Variants in RUVBL1 observed in about 807,000 individuals in gnomAD.
RUVBL1 encodes the protein RuvB like AAA ATPase 1.
In RUVBL1, 4 loss-of-function variants were observed where a neutral mutation model predicts 52.4. The observed-to-expected ratio is 0.08, with a 90% CI of 0.04 to 0.17. RUVBL1 has a LOEUF of 0.17. Among genes scored for constraint, RUVBL1 ranks in the 10% least tolerant of loss-of-function variants. RUVBL1 has a pLI of 1.00. For synonymous variants in RUVBL1, 217 were observed against 214.4 expected (o/e 1.01, Z -0.10); for missense variants, 298 against 572.8 (o/e 0.52, Z 4.90).
rs1022510927 is a variant in RUVBL1, at chr3:128,067,770, A to T, written c.940-2550T>A. On this transcript the variant is annotated intron_variant, in intron 9 of 9. Coordinates refer to the RUVBL1 transcript ENST00000464873. The surrounding 1 kb of genome is among the most constrained non-coding windows in gnomAD (Gnocchi z 4.1). Reference sequence around the variant, plus strand: ...AGAAGCTTTAAGGGCTGACAGATGGAGTCCAGCAGTAGATCAGCTGTGGGT... The same window carrying T: ...AGAAGCTTTAAGGGCTGACAGATGGTGTCCAGCAGTAGATCAGCTGTGGGT... 1.5e-6 allele frequency: 1 copy of T among 671,230 alleles called. No individual in the cohort carries two copies. Among genetic ancestry groups the T allele is most frequent in the Non-Finnish European group, 2.5e-6 (1 of 392,640 alleles). The allele number at this position is 671,230 out of a possible 1,614,324, so 41.6% of individuals were successfully genotyped here.
chr3:128,119,468 G>A (rs574702940), intron 1 of RUVBL1, 54 bp from the exon 2 acceptor site: 265 of 1,467,650 alleles, frequency 1.8e-4, no homozygotes, highest in Non-Finnish European at 2.3e-4. Context: ...GTTTCACAAG[G>A]GGAAAAATCT....
intron 8 of RUVBL1, among the ~76,000 whole-genome samples, chr3:128,097,014 G>A (rs1171537754): frequency 6.6e-6 from 1 of 152,178 alleles, no homozygotes; most frequent in Non-Finnish European, 1.5e-5. Context: ...TCAAAGGCTA[G>A]CCCTGTCTGA....
intron 8 of RUVBL1, among the ~76,000 whole-genome samples, chr3:128,097,095 C>G (rs1442192214): frequency 6.6e-6 from 1 of 152,130 alleles, no homozygotes; most frequent in Non-Finnish European, 1.5e-5. Context: ...GTGGGAGACC[C>G]TCCTCATGAG....
intron 1 of RUVBL1, among the ~76,000 whole-genome samples, chr3:128,151,204 CTATA>C (rs1283129978): frequency 7.6e-6 from 1 of 131,004 alleles, no homozygotes; most frequent in Admixed American, 8.9e-5. Context: ...TCTATATATT[CTATA>C]TATACACTGT....
At chr3:128,104,701 GT>G in intron 4 of RUVBL1, 71 bp downstream of exon 4, 1 of 1,394,332 alleles carries the variant, frequency 7.2e-7, no homozygotes, top group Non-Finnish European at 9.8e-7. Context: ...ATGCAGAGAG[GT>G]TACACCACCT....
intron 1 of RUVBL1, among the ~76,000 whole-genome samples, chr3:128,148,628 G>A (rs945946764): frequency 6.6e-6 from 1 of 152,206 alleles, no homozygotes; most frequent in Non-Finnish European, 1.5e-5. Context: ...GACATCACCA[G>A]GGAGTAAACA....
At chr3:128,149,559 T>C (rs1362482499) in intron 1 of RUVBL1, among the ~76,000 whole-genome samples, 1 of 152,232 alleles carries the variant, frequency 6.6e-6, no homozygotes, top group Non-Finnish European at 1.5e-5. Flanking sequence ...AATATTTTGC[T>C]ACTACATACA....
At chr3:128,149,719 G>A (rs1237503207) in intron 1 of RUVBL1, among the ~76,000 whole-genome samples, 2 of 152,188 alleles carry the variant, frequency 1.3e-5, no homozygotes, top group East Asian at 3.9e-4. Context: ...CTCTCCATGG[G>A]AATCTGTTTC....
chr3:128,153,526 A>G (rs1455763781), exon 1 of RUVBL1: 2 of 1,514,298 alleles, frequency 1.3e-6, no homozygotes, highest in South Asian at 1.2e-5. Flanking sequence ...GCGGCGGGTG[A>G]ACGTGAACGT....
At chr3:128,072,594 C>T (rs1942197745) in intron 9 of RUVBL1, among the ~76,000 whole-genome samples, 4 of 152,210 alleles carry the variant, frequency 2.6e-5, no homozygotes, top group Admixed American at 2.0e-4. Flanking sequence ...GCTCCCTCTG[C>T]ACCTGCTGGC....
downstream of RUVBL1, among the ~76,000 whole-genome samples, chr3:128,080,804 CTG>C (rs1045695130): frequency 6.6e-6 from 1 of 152,168 alleles, no homozygotes; most frequent in Admixed American, 6.5e-5. Flanking sequence ...TTAGGTAAAA[CTG>C]AGAAAATGTG....
upstream of RUVBL1, among the ~76,000 whole-genome samples, chr3:128,124,742 G>C (rs546993340): frequency 6.6e-6 from 1 of 152,306 alleles, no homozygotes; most frequent in East Asian, 1.9e-4. Context: ...GTACACCCAG[G>C]TGGCGAGAAG....
intron 3 of RUVBL1, among the ~76,000 whole-genome samples, chr3:128,106,138 C>A (rs1450890500): frequency 6.6e-6 from 1 of 152,102 alleles, no homozygotes; most frequent in Admixed American, 6.5e-5. Flanking sequence ...CCTTGGCCTC[C>A]CAAAGTGCTG....
intron 8 of RUVBL1, among the ~76,000 whole-genome samples, chr3:128,090,822 A>C (rs1942815236): frequency 6.6e-6 from 1 of 152,168 alleles, no homozygotes; most frequent in Admixed American, 6.5e-5. Context: ...AATTTTGAGG[A>C]AATCCTAAGA....
chr3:128,133,595 C>T, intron 1 of RUVBL1, among the ~76,000 whole-genome samples: 1 of 152,256 alleles, frequency 6.6e-6, no homozygotes, highest in South Asian at 2.1e-4. Context: ...GAGTCTCTGT[C>T]TGGTAATCCA....
chr3:128,101,358 A>T (rs1246780725), intron 5 of RUVBL1, among the ~76,000 whole-genome samples: 3 of 152,156 alleles, frequency 2.0e-5, no homozygotes, highest in African/African-American at 7.2e-5. Context: ...TAATCGCGAG[A>T]AGGTTAAAGA....
chr3:128,127,552 C>A (rs1943810347), upstream of RUVBL1, among the ~76,000 whole-genome samples: 1 of 149,376 alleles, frequency 6.7e-6, no homozygotes. Context: ...GAACTTTGAA[C>A]CCACAAGCCC....
chr3:128,141,303 C>T (rs1181620944), intron 1 of RUVBL1, among the ~76,000 whole-genome samples: 2 of 152,138 alleles, frequency 1.3e-5, no homozygotes, highest in Non-Finnish European at 2.9e-5. Context: ...CACAAAATGT[C>T]CCAGGTTCAA....
intron 9 of RUVBL1, among the ~76,000 whole-genome samples, chr3:128,072,007 G>A (rs1186538284): frequency 1.3e-5 from 2 of 152,262 alleles, no homozygotes; most frequent in Admixed American, 6.5e-5. Context: ...TCTAGCAGGA[G>A]CCTAGGGCCC....
Sources: gnomAD v4.1 joint callset for allele counts (sites outside exome capture counted in the v4.1 genomes callset) on GRCh38, gnomAD v4.1.1 for gene constraint, Gnocchi (gnomAD v3.1) non-coding constraint, MANE v1.5 for transcripts, NCBI Gene and HGNC (gene_info 2026-07-23, HGNC 2026-07-21) for gene names.